The following GRM7 variants were observed in gnomAD, a reference collection of about 807,000 sequenced individuals.
GRM7 encodes glutamate metabotropic receptor 7.
A neutral mutation model predicts 84.5 loss-of-function variants in GRM7; 35 were observed. The observed-to-expected ratio is 0.41, with a 90% CI of 0.32 to 0.55. The LOEUF is 0.55. Ranked by LOEUF, GRM7 falls within the 20% of genes least tolerant of loss-of-function variation. The pLI is 0.19. For synonymous variants in GRM7, 487 were observed against 455.1 expected, an observed-to-expected ratio of 1.07 and a Z score of -0.89; for missense variants, 1,003 against 1,194.6, an observed-to-expected ratio of 0.84 and a Z score of 2.36.
chr3:7,643,764 T>C (rs942474806), intron 8 of GRM7, among the ~76,000 whole-genome samples: 5 of 152,072 alleles, frequency 3.3e-5, no homozygotes, highest in African/African-American at 9.7e-5. Context: ...ATCATCACAA[T>C]TATTGTCCCA....
At chr3:7,731,476 C>T (rs1702329633) in intron 9 of GRM7, among the ~76,000 whole-genome samples, 1 of 152,120 alleles carries the variant, frequency 6.6e-6, no homozygotes, top group African/African-American at 2.4e-5. Context: ...TAACTCAACC[C>T]CCATCTTGTC....
At chr3:7,092,938 C>G (rs990698735) in intron 1 of GRM7, among the ~76,000 whole-genome samples, 1 of 152,112 alleles carries the variant, frequency 6.6e-6, no homozygotes, top group Non-Finnish European at 1.5e-5. Context: ...CAAAATTTAG[C>G]CAGGTGTGGT....
chr3:6,880,449 T>C (rs188289325), intron 1 of GRM7, among the ~76,000 whole-genome samples: 1 of 152,332 alleles, frequency 6.6e-6, no homozygotes, highest in East Asian at 1.9e-4. Context: ...TCTCTGCAGA[T>C]GTCCTGGCGG....
At chr3:7,258,710 A>T (rs1265281024) in intron 2 of GRM7, among the ~76,000 whole-genome samples, 1 of 152,224 alleles carries the variant, frequency 6.6e-6, no homozygotes, top group East Asian at 1.9e-4. Flanking sequence ...CTTTGGTTTA[A>T]ATAGTAGGCC....
chr3:7,220,398 C>G (rs73809008), intron 2 of GRM7, among the ~76,000 whole-genome samples: 8,338 of 152,152 alleles, frequency 0.055, 445 homozygotes, highest in African/African-American at 0.14. Flanking sequence ...AAATGCCAGA[C>G]CAGACAAATC....
intron 1 of GRM7, among the ~76,000 whole-genome samples, chr3:7,035,508 G>C (rs74577809): frequency 1.3e-5 from 2 of 152,180 alleles, no homozygotes; most frequent in Non-Finnish European, 2.9e-5. Flanking sequence ...AGAGCTGCAC[G>C]TGAGGGGTGG....
intron 7 of GRM7, among the ~76,000 whole-genome samples, chr3:7,514,356 T>C (rs186643555): frequency 1.3e-5 from 2 of 152,338 alleles, no homozygotes; most frequent in Admixed American, 1.3e-4. Context: ...TGCTTATTAA[T>C]ATTGCAAATT....
chr3:7,337,805 T>G (rs1701479342), intron 4 of GRM7, among the ~76,000 whole-genome samples: 1 of 151,968 alleles, frequency 6.6e-6, no homozygotes. Context: ...ACATTGCTGG[T>G]GGGAATGTAA....
intron 2 of GRM7, among the ~76,000 whole-genome samples, chr3:7,174,975 A>C (rs565351014): frequency 1.3e-5 from 2 of 152,356 alleles, no homozygotes; most frequent in South Asian, 4.1e-4. Flanking sequence ...GGTGTAATAC[A>C]TTAAATGTCC....
chr3:7,294,322 A>G (rs2125015253), intron 2 of GRM7, among the ~76,000 whole-genome samples: 1 of 152,278 alleles, frequency 6.6e-6, no homozygotes, highest in African/African-American at 2.4e-5. Context: ...TCTGTTGCTG[A>G]GAAGATGGTA....
At chr3:7,177,741 C>T (rs894586803) in intron 2 of GRM7, among the ~76,000 whole-genome samples, 1 of 152,114 alleles carries the variant, frequency 6.6e-6, no homozygotes, top group Non-Finnish European at 1.5e-5. Context: ...TTTAATGCTA[C>T]AACTGATTAA....
chr3:7,509,639 A>G (rs1034566366), intron 7 of GRM7, among the ~76,000 whole-genome samples: 37 of 152,346 alleles, frequency 2.4e-4, no homozygotes, highest in African/African-American at 8.9e-4. Context: ...CAAGTGAGTC[A>G]AGCCTAGAAA....
At chr3:7,197,762 A>T (rs914691806) in intron 2 of GRM7, among the ~76,000 whole-genome samples, 4 of 151,884 alleles carry the variant, frequency 2.6e-5, no homozygotes, top group Non-Finnish European at 5.9e-5. Flanking sequence ...AGAATATCTT[A>T]TAGGCCAGTT....
At chr3:7,618,915 T>C (rs944521481) in intron 8 of GRM7, among the ~76,000 whole-genome samples, 1 of 152,130 alleles carries the variant, frequency 6.6e-6, no homozygotes, top group African/African-American at 2.4e-5. Flanking sequence ...AAATATTTAA[T>C]GAGTGATGCT....
At chr3:7,180,848 A>G (rs1695313738) in intron 2 of GRM7, among the ~76,000 whole-genome samples, 1 of 152,118 alleles carries the variant, frequency 6.6e-6, no homozygotes, top group Non-Finnish European at 1.5e-5. Flanking sequence ...TTTTATTTCT[A>G]GTGAGCTCTT....
chr3:6,894,878 C>A (rs1696117848), intron 1 of GRM7, among the ~76,000 whole-genome samples: 1 of 152,134 alleles, frequency 6.6e-6, no homozygotes, highest in African/African-American at 2.4e-5. Flanking sequence ...ATTGAAACAT[C>A]TATTTTCTCT....
At chr3:7,354,109 G>T (rs1045752130) in intron 4 of GRM7, among the ~76,000 whole-genome samples, 1 of 152,102 alleles carries the variant, frequency 6.6e-6, no homozygotes, top group African/African-American at 2.4e-5. Flanking sequence ...CTTGAGAAAA[G>T]TCCTTTGTAT....
intron 7 of GRM7, among the ~76,000 whole-genome samples, chr3:7,512,855 G>A (rs975313916): frequency 2.0e-4 from 30 of 152,272 alleles, no homozygotes; most frequent in African/African-American, 7.0e-4. Flanking sequence ...GAGGTGACCA[G>A]TCTGGACTCT....
intron 2 of GRM7, among the ~76,000 whole-genome samples, chr3:7,269,242 C>A (rs1559541351): frequency 6.6e-6 from 1 of 152,166 alleles, no homozygotes; most frequent in Non-Finnish European, 1.5e-5. Flanking sequence ...CACAGATACC[C>A]TTTCCAATGT....
Sources: gnomAD v4.1 joint callset for allele counts (sites outside exome capture counted in the v4.1 genomes callset) on GRCh38, gnomAD v4.1.1 for gene constraint, MANE v1.5 for transcripts, NCBI Gene and HGNC (gene_info 2026-07-23, HGNC 2026-07-21) for gene names.